SCAPER: variants seen among roughly 807,000 people sequenced by gnomAD.
The protein encoded by SCAPER is S-phase cyclin A associated protein in the ER.
A neutral mutation model predicts 182.2 loss-of-function variants in SCAPER; 98 were observed. The ratio of observed to expected loss-of-function variants is 0.54; its 90% CI spans 0.46 to 0.64. SCAPER has a LOEUF of 0.64. Among genes scored for constraint, SCAPER ranks in the 30% least tolerant of loss-of-function variants. The probability of loss-of-function intolerance (pLI) is 0.00; values close to 1 mark genes in which losing one functional copy is unlikely to be tolerated. For missense variants in SCAPER, 1,432 were observed against 1,690.0 expected (o/e 0.85, Z 2.68); for synonymous variants, 605 against 564.6 (o/e 1.07, Z -1.01).
intron 20 of SCAPER, among the ~76,000 whole-genome samples, chr15:76,685,560 G>T (rs577391317): frequency 2.0e-5 from 3 of 151,934 alleles, no homozygotes; most frequent in Non-Finnish European, 4.4e-5. Context: ...ATTTAGTAAC[G>T]AATATTCTTA....
chr15:76,841,129 C>T (rs552743163), intron 5 of SCAPER, among the ~76,000 whole-genome samples: 1 of 152,184 alleles, frequency 6.6e-6, no homozygotes, highest in South Asian at 2.1e-4. Flanking sequence ...TGTATCCAAC[C>T]CTTTGATTCC....
chr15:76,508,665 TTA>T (rs1239672514), intron 23 of SCAPER, among the ~76,000 whole-genome samples: 1 of 152,208 alleles, frequency 6.6e-6, no homozygotes, highest in Non-Finnish European at 1.5e-5. Context: ...GTTGAACATC[TTA>T]TGTTTACTGG....
chr15:76,381,067 T>C (rs2042913716), intron 28 of SCAPER: 1 of 163,460 alleles, frequency 6.1e-6, no homozygotes, highest in Non-Finnish European at 1.3e-5. Flanking sequence ...GGGAGAGTCA[T>C]GGTTACTAGT....
At chr15:76,653,086 C>T (rs1027110163) in intron 21 of SCAPER, among the ~76,000 whole-genome samples, 8 of 151,746 alleles carry the variant, frequency 5.3e-5, no homozygotes, top group South Asian at 2.1e-4. Flanking sequence ...CTAGGCTGAG[C>T]GTAAAATCAA....
At chr15:76,582,367 A>G (rs1314057310) in intron 22 of SCAPER, among the ~76,000 whole-genome samples, 1 of 152,194 alleles carries the variant, frequency 6.6e-6, no homozygotes, top group Non-Finnish European at 1.5e-5. Context: ...GCTTCAAATA[A>G]AATGAAATAC....
At chr15:76,438,833 T>C (rs2047372243) in intron 25 of SCAPER, among the ~76,000 whole-genome samples, 1 of 152,206 alleles carries the variant, frequency 6.6e-6, no homozygotes, top group South Asian at 2.1e-4. Flanking sequence ...TCATTTAGAT[T>C]GGCCCTTTCA....
intron 23 of SCAPER, among the ~76,000 whole-genome samples, chr15:76,515,587 G>C (rs569393401): frequency 6.6e-6 from 1 of 152,276 alleles, no homozygotes; most frequent in African/African-American, 2.4e-5. Context: ...CCAGGAGGCA[G>C]GACCTTAGAG....
intron 14 of SCAPER, among the ~76,000 whole-genome samples, chr15:76,760,868 A>G (rs1213440408): frequency 6.6e-6 from 1 of 152,138 alleles, no homozygotes; most frequent in Non-Finnish European, 1.5e-5. Flanking sequence ...GACCAATATA[A>G]TATTTCTTAT....
At chr15:76,762,932 C>T (rs2062880178) in intron 14 of SCAPER, among the ~76,000 whole-genome samples, 1 of 152,182 alleles carries the variant, frequency 6.6e-6, no homozygotes, top group East Asian at 1.9e-4. Flanking sequence ...ACTGGGATTA[C>T]AAGTGTGAGT....
intron 5 of SCAPER, among the ~76,000 whole-genome samples, chr15:76,816,087 A>C (rs2067053965): frequency 6.6e-6 from 1 of 152,184 alleles, no homozygotes. Flanking sequence ...GAGGGAGTAA[A>C]GGAGAGAATG....
At chr15:76,708,747 T>C (rs553180958) in intron 17 of SCAPER, among the ~76,000 whole-genome samples, 65 of 152,088 alleles carry the variant, frequency 4.3e-4, no homozygotes, top group Non-Finnish European at 7.1e-4. Flanking sequence ...AGAAAGAAAA[T>C]TGACATAAAT....
chr15:76,428,866 C>CTATATATATATATATATATA (rs375991391), intron 26 of SCAPER, among the ~76,000 whole-genome samples: 2,057 of 79,340 alleles, frequency 0.026, 137 homozygotes, highest in African/African-American at 0.031. Flanking sequence ...GATCATTATA[C>CTATATATATATATATATATA]TATATATATA....
chr15:76,905,280 G>A lies in SCAPER; in HGVS notation c.-60+19C>T. 3.8e-6 allele frequency: 1 copy of A among 260,730 alleles called. No homozygotes were observed. Among genetic ancestry groups the A allele is most frequent in the Non-Finnish European group, 7.9e-6 (1 of 127,018 alleles). 16.2% of individuals were successfully genotyped at this position (260,730 alleles called of 1,614,324 possible). On this transcript the variant is annotated intron_variant, in intron 1 of 31. Coordinates refer to ENST00000563290, the MANE Select transcript of SCAPER (RefSeq NM_020843.4). The stretch of plus-strand genomic sequence containing the variant: ...ACCCGCCCGGGTCTGCGCTACGCAC[G>A]CCCCTCGCGGACACTCACCCCCGAC...
At chr15:76,765,888 T>C (rs2063081188) in intron 11 of SCAPER, among the ~76,000 whole-genome samples, 1 of 152,164 alleles carries the variant, frequency 6.6e-6, no homozygotes, top group South Asian at 2.1e-4. Context: ...AAGAAATATA[T>C]TGGCCTTATC....
At chr15:76,776,756 C>T (rs991874691) in intron 8 of SCAPER, among the ~76,000 whole-genome samples, 6 of 152,050 alleles carry the variant, frequency 3.9e-5, no homozygotes, top group Non-Finnish European at 8.8e-5. Flanking sequence ...GCTTATAAAA[C>T]CGGTAGGAGG....
intron 22 of SCAPER, among the ~76,000 whole-genome samples, chr15:76,593,441 C>T (rs549547341): frequency 1.6e-5 from 2 of 121,328 alleles, no homozygotes; most frequent in East Asian, 2.2e-4. Context: ...AAGAGAGCAG[C>T]GGATCTCCTA....
intron 23 of SCAPER, among the ~76,000 whole-genome samples, chr15:76,536,104 T>G (rs1031671890): frequency 6.6e-6 from 1 of 152,242 alleles, no homozygotes; most frequent in Admixed American, 6.5e-5. Flanking sequence ...ACTACTTCTA[T>G]ATTTTGCAAG....
At chr15:76,441,488 TA>T (rs2047597918) in intron 25 of SCAPER, among the ~76,000 whole-genome samples, 1 of 152,148 alleles carries the variant, frequency 6.6e-6, no homozygotes, top group Non-Finnish European at 1.5e-5. Context: ...TCCTGCAAAC[TA>T]AAAGCTCCAA....
chr15:76,835,634 C>T (rs2068867667), intron 5 of SCAPER, among the ~76,000 whole-genome samples: 1 of 152,106 alleles, frequency 6.6e-6, no homozygotes, highest in Non-Finnish European at 1.5e-5. Flanking sequence ...AAAACCAGAA[C>T]AAGACAAGGA....
Sources: allele counts gnomAD v4.1 joint callset (sites outside exome capture counted in the v4.1 genomes callset), GRCh38; gene constraint gnomAD v4.1.1; transcripts MANE v1.5; gene names NCBI Gene and HGNC (gene_info 2026-07-23, HGNC 2026-07-21).